ERICH5: variants seen among roughly 807,000 people sequenced by gnomAD.
ERICH5 encodes the protein glutamate-rich protein 5.
Under a neutral mutation model 28.0 loss-of-function variants are expected in ERICH5, and 24 were observed. That is an observed-to-expected ratio of 0.86 (90% CI 0.62 to 1.21). The LOEUF (loss-of-function observed/expected upper bound fraction) is 1.21. Ranked by LOEUF, ERICH5 falls within the 50% of genes most tolerant of loss-of-function variation. The probability of loss-of-function intolerance (pLI) is 0.00; values close to 1 mark genes in which losing one functional copy is unlikely to be tolerated. For missense variants in ERICH5, 421 were observed against 441.2 expected, an observed-to-expected ratio of 0.95 and a Z score of 0.41; for synonymous variants, 163 against 157.6, an observed-to-expected ratio of 1.03 and a Z score of -0.25.
intron 1 of ERICH5, among the ~76,000 whole-genome samples, chr8:98,066,328 C>T (rs76706359): frequency 0.012 from 1,754 of 152,310 alleles, 25 homozygotes; most frequent in Middle Eastern, 0.041. Context: ...GACTTCTCTA[C>T]CCCATGCTGT....
At chr8:98,073,536 A>C in intron 1 of ERICH5, among the ~76,000 whole-genome samples, 2 of 34,446 alleles carry the variant, frequency 5.8e-5, no homozygotes, top group African/African-American at 2.6e-4. Flanking sequence ...ATATATATAT[A>C]TATATATATA....
intron 1 of ERICH5, among the ~76,000 whole-genome samples, chr8:98,077,216 G>A (rs750596662): frequency 5.3e-5 from 8 of 152,202 alleles, no homozygotes; most frequent in Non-Finnish European, 1.0e-4. Flanking sequence ...TCCAGGCTCA[G>A]TGCCTCAGTG....
chr8:98,073,462 A>C (rs868241541), intron 1 of ERICH5, among the ~76,000 whole-genome samples: 201 of 2,008 alleles, frequency 0.1, 52 homozygotes, highest in African/African-American at 0.18. Context: ...ATATATATGT[A>C]TATATATATA....
At chr8:98,091,651 A>G (rs562509170) in intron 2 of ERICH5, among the ~76,000 whole-genome samples, 3 of 152,330 alleles carry the variant, frequency 2.0e-5, no homozygotes, top group Admixed American at 1.3e-4. Flanking sequence ...GCCAAAGCCA[A>G]CTTCTCAGGG....
Position 98,090,020 on chromosome 8 carries a change from C to A in ERICH5, c.1003C>A (p.Arg335Ser). 1 of 1,607,878 alleles carries A rather than the reference C, an allele frequency of 6.2e-7. No individual in the cohort carries two copies. The highest frequency in any genetic ancestry group is 8.5e-7 in the Non-Finnish European group (1 of 1,176,486). The stretch of plus-strand genomic sequence containing the variant: ...CATCCATACTAATGAAGAGGACCAA[C>A]GCATTGAAGGTAAAAGTTATGCTGG... Reference protein sequence around the residue: ...RNIHTNEEDQRIEGETGEKVE... With the variant: ...RNIHTNEEDQSIEGETGEKVE... The change falls in exon 2 of 3, where the codon CGC becomes AGC. Residue 335 changes from arginine (R) to serine (S), a missense_variant. Arg to Ser is a moderately radical substitution (Grantham distance 110). Transcript: ENST00000318528.
intron 1 of ERICH5, among the ~76,000 whole-genome samples, chr8:98,084,942 G>A (rs894791507): frequency 1.3e-5 from 2 of 151,798 alleles, no homozygotes; most frequent in South Asian, 2.1e-4. Context: ...AAGAGCCACC[G>A]TTCTGCTTTC....
intron 1 of ERICH5, among the ~76,000 whole-genome samples, chr8:98,082,660 A>AT (rs1815204461): frequency 6.6e-6 from 1 of 151,276 alleles, no homozygotes; most frequent in Non-Finnish European, 1.5e-5. Context: ...AAAAAAAAAA[A>AT]GAATGAAAAT....
intron 1 of ERICH5, among the ~76,000 whole-genome samples, chr8:98,084,332 C>T (rs1815234418): frequency 6.6e-6 from 1 of 152,130 alleles, no homozygotes; most frequent in Non-Finnish European, 1.5e-5. Context: ...TGTCACTGGA[C>T]ACATTGACTT....
At chr8:98,068,035 A>G (rs1814850389) in intron 1 of ERICH5, among the ~76,000 whole-genome samples, 1 of 151,778 alleles carries the variant, frequency 6.6e-6, no homozygotes, top group African/African-American at 2.4e-5. Context: ...TTTTATTTAA[A>G]AAATTGAGAC....
chr8:98,083,443 G>C (rs1375787339), intron 1 of ERICH5, among the ~76,000 whole-genome samples: 1 of 152,088 alleles, frequency 6.6e-6, no homozygotes, highest in Non-Finnish European at 1.5e-5. Context: ...TGAGGCAGGA[G>C]GGGGAGGTGA....
chr8:98,080,608 C>T (rs1815162415), intron 1 of ERICH5, among the ~76,000 whole-genome samples: 1 of 151,630 alleles, frequency 6.6e-6, no homozygotes, highest in South Asian at 2.1e-4. Flanking sequence ...CCTTCTTCTC[C>T]TTCTCCTTCT....
At position 98,064,635 on chromosome 8, in the gene ERICH5, G is replaced by A; in HGVS notation, c.-35G>A. The stretch of plus-strand genomic sequence containing the variant: ...GGTTCCCGGTTCCGGGCCGACACCC[G>A]CGCAGGGCTGAGACAGGTGTCTGCG... On this transcript the variant is annotated 5_prime_UTR_variant, in exon 1 of 3. Coordinates refer to ENST00000318528, the MANE Select transcript of ERICH5 (RefSeq NM_173549.3). 1.3e-6 allele frequency: 2 copies of A among 1,486,760 alleles called. No homozygotes were observed. Among genetic ancestry groups the A allele is most frequent in the African/African-American group, 1.4e-5 (1 of 71,300 alleles). 92.1% of individuals were successfully genotyped at this position (1,486,760 alleles called of 1,614,324 possible). A position where few individuals can be genotyped will look rare whatever the true frequency, so the allele number is the denominator to read the frequency against.
chr8:98,069,228 T>C (rs1814867261), intron 1 of ERICH5, among the ~76,000 whole-genome samples: 1 of 152,140 alleles, frequency 6.6e-6, no homozygotes, highest in African/African-American at 2.4e-5. Context: ...CGATTGCATA[T>C]GGCTAATTGA....
intron 1 of ERICH5, among the ~76,000 whole-genome samples, chr8:98,081,161 A>C (rs1483816293): frequency 6.6e-6 from 1 of 151,438 alleles, no homozygotes; most frequent in Non-Finnish European, 1.5e-5. Flanking sequence ...GCTGGAGTGC[A>C]GTGGCACAAT....
chr8:98,078,297 T>C (rs1195647299), intron 1 of ERICH5, among the ~76,000 whole-genome samples: 1 of 152,032 alleles, frequency 6.6e-6, no homozygotes, highest in Non-Finnish European at 1.5e-5. Context: ...AGTAAGAAAA[T>C]GAGAAGGAAG....
At chr8:98,070,378 C>CG (rs923349901) in intron 1 of ERICH5, among the ~76,000 whole-genome samples, 38 of 150,630 alleles carry the variant, frequency 2.5e-4, no homozygotes, top group African/African-American at 9.0e-4. Context: ...AAAAAGAGGC[C>CG]GGGCGCAGTG....
At chr8:98,073,921 C>CTT (rs5893449) in intron 1 of ERICH5, among the ~76,000 whole-genome samples, 171 of 140,418 alleles carry the variant, frequency 1.2e-3, no homozygotes, top group East Asian at 5.0e-3. Flanking sequence ...CTCTCTTTTT[C>CTT]TTTTTTTTTT....
rs1469999012 is a variant in ERICH5, at chr8:98,093,221, G to A, written c.1013G>A (p.Gly338Asp). The change falls in exon 3 of 3, where the codon GGT becomes GAT. Residue 338 changes from glycine to aspartate, a missense_variant and splice_region_variant. Coordinates refer to ENST00000318528, the MANE Select transcript of ERICH5 (RefSeq NM_173549.3). ...GTATCTCCTTTGGTTACTTTTCCAG[G>A]TGAGACAGGGGAAAAGGTGGAAACA... ...HTNEEDQRIE[G>D]ETGEKVETDM... 1 of 1,607,022 alleles carries A rather than the reference G, an allele frequency of 6.2e-7. No individual in the cohort carries two copies. Among genetic ancestry groups the A allele is most frequent in the East Asian group, 2.2e-5 (1 of 44,800 alleles).
intron 1 of ERICH5, among the ~76,000 whole-genome samples, chr8:98,073,289 T>C: frequency 1.3e-5 from 2 of 150,008 alleles, no homozygotes; most frequent in Admixed American, 1.3e-4. Context: ...GAGAATATAG[T>C]CTGGGCCAGG....
Sources: gnomAD v4.1 joint callset for allele counts (sites outside exome capture counted in the v4.1 genomes callset) on GRCh38, gnomAD v4.1.1 for gene constraint, MANE v1.5 for transcripts, NCBI Gene and HGNC (gene_info 2026-07-23, HGNC 2026-07-21) for gene names.